The following SYNE1 variants were observed in gnomAD, a reference collection of about 807,000 sequenced individuals.
The protein encoded by SYNE1 is spectrin repeat containing nuclear envelope protein 1.
SYNE1 carries 616 observed loss-of-function variants against 1,111.0 expected under a neutral mutation model. The observed-to-expected ratio is 0.55, with a 90% CI of 0.52 to 0.59. The LOEUF is 0.59. Among genes scored for constraint, SYNE1 ranks in the 20% least tolerant of loss-of-function variants. The probability of loss-of-function intolerance (pLI) is 0.00; values close to 1 mark genes in which losing one functional copy is unlikely to be tolerated. For synonymous variants in SYNE1, 3,855 were observed against 3,825.8 expected (o/e 1.01, Z -0.28); for missense variants, 10,006 against 10,417.0 (o/e 0.96, Z 1.72).
intron 14 of SYNE1, among the ~76,000 whole-genome samples, chr6:152,475,557 C>T (rs1324266408): frequency 6.6e-6 from 1 of 152,182 alleles, no homozygotes; most frequent in Non-Finnish European, 1.5e-5. Context: ...TGGAAACCAT[C>T]TATAATTAAT....
rs755402408 is a variant in SYNE1, at chr6:152,180,216, C to T, written c.23380G>A (p.Glu7794Lys). The T allele has an allele frequency of 8.1e-6, 13 of 1,614,136 alleles. No individual in the cohort carries two copies. The highest frequency in any genetic ancestry group is 1.1e-5 in the Non-Finnish European group (13 of 1,179,998). ...TTGCTTTCCATTTGAGTCAACCACT[C>T]ACAGAGTTCCTTGTTCTTTTCACTG... ...VFSEKNKELC[E>K]WLTQMESKVS... The change falls in exon 129 of 146, where the codon GAG (glutamate) becomes AAG (lysine). Residue 7794 changes from glutamate (E) to lysine (K), a missense_variant. This residue lies in a region of SYNE1 where 2,182 missense variants were observed against 2,287.8 expected (regional missense o/e 0.95). Coordinates refer to ENST00000367255, the MANE Select transcript of SYNE1 (RefSeq NM_182961.4).
At chr6:152,382,769 C>T (rs2097445185) in intron 55 of SYNE1, among the ~76,000 whole-genome samples, 1 of 152,096 alleles carries the variant, frequency 6.6e-6, no homozygotes, top group South Asian at 2.1e-4. Context: ...CCAAAATACT[C>T]TCTTATGCTT....
chr6:152,586,421 T>C (rs2099539146), intron 3 of SYNE1, among the ~76,000 whole-genome samples: 1 of 152,206 alleles, frequency 6.6e-6, no homozygotes, highest in Admixed American at 6.5e-5. Context: ...TTTGATATCT[T>C]CCACCTTCTT....
intron 30 of SYNE1, among the ~76,000 whole-genome samples, chr6:152,442,922 T>G (rs1214810021): frequency 2.0e-5 from 3 of 152,156 alleles, no homozygotes; most frequent in African/African-American, 7.2e-5. Context: ...CTCCAGCCTG[T>G]GTGGCAGAGT....
intron 130 of SYNE1, among the ~76,000 whole-genome samples, chr6:152,171,334 C>G (rs776373929): frequency 1.4e-4 from 22 of 152,334 alleles, no homozygotes; most frequent in Non-Finnish European, 2.8e-4. Flanking sequence ...CATTTGTGTG[C>G]GTACGTTTTC....
Position 152,425,305 on chromosome 6 carries a change from T to C in SYNE1, c.5267+76A>G, listed in dbSNP as rs2098335123. The C allele has an allele frequency of 3.3e-6, 5 of 1,501,966 alleles. No individual in the cohort carries two copies. In the Admixed American group the frequency reaches 5.3e-5, roughly 16 times the overall value. 93.0% of individuals were successfully genotyped at this position (1,501,966 alleles called of 1,614,324 possible). On this transcript the variant is annotated intron_variant, in intron 39 of 145. Transcript: ENST00000367255. ...TGAGTTAAATAAAAGTAAACAAAAC[T>C]ATGCTTTCTTAATTTATATGCTCAT...
At chr6:152,201,231 T>TG (rs1195947990) in intron 127 of SYNE1, among the ~76,000 whole-genome samples, 1 of 142,430 alleles carries the variant, frequency 7.0e-6, no homozygotes, top group Non-Finnish European at 1.6e-5. Context: ...TGAATTGTGT[T>TG]GGTCTCGGTG....
intron 115 of SYNE1, among the ~76,000 whole-genome samples, chr6:152,227,706 T>A (rs1588246417): frequency 6.6e-6 from 1 of 152,194 alleles, no homozygotes; most frequent in African/African-American, 2.4e-5. Flanking sequence ...GAGTTTATCC[T>A]CATTTTTCTA....
intron 32 of SYNE1, 105 bp downstream of exon 32, chr6:152,441,025 G>A: frequency 3.6e-6 from 5 of 1,373,818 alleles, no homozygotes; most frequent in Non-Finnish European, 5.1e-6. Context: ...AGTAAGTATT[G>A]ATTAAATTAA....
At chr6:152,194,630 A>G (rs895962989) in intron 127 of SYNE1, among the ~76,000 whole-genome samples, 2 of 152,154 alleles carry the variant, frequency 1.3e-5, no homozygotes, top group African/African-American at 4.8e-5. Flanking sequence ...TTGAAGGCCA[A>G]TAAGTCTTAG....
Position 152,451,047 on chromosome 6 carries a change from C to T in SYNE1, c.3186G>A (p.Arg1062=). The change falls in exon 26 of 146, where the codon AGG becomes AGA. Residue 1062 remains arginine (R), a splice_region_variant and synonymous_variant. Coordinates refer to ENST00000367255, the MANE Select transcript of SYNE1 (RefSeq NM_182961.4). ...CCACATTGTGGTGTGGGAGACGTAC[C>T]CTGTGCTCTTTAATTATCTTTTCAC... ...EGSEKIIKEH[R]VFFSDKGPHH... is the part of the protein sequence containing the mutation. The T allele has an allele frequency of 6.2e-7, 1 of 1,614,060 alleles. No individual in the cohort carries two copies. The highest frequency in any genetic ancestry group is 1.1e-5 in the South Asian group (1 of 91,078).
rs1563463633 is a variant in SYNE1 at position 152,371,930 on chromosome 6, C to CAGGAAAGGAAAGGAA, written c.9507+1106_9507+1107insTTCCTTTCCTTTCCT. On this transcript the variant is annotated intron_variant, in intron 59 of 145. Coordinates refer to ENST00000367255, the MANE Select transcript of SYNE1 (RefSeq NM_182961.4). ...AAGGAAAGGAAAGGAAAGGACAGGA[C>CAGGAAAGGAAAGGAA]AGGACAGGAAAGGAAAGGAAAGGAA... Among the ~76,000 whole-genome samples the CAGGAAAGGAAAGGAA allele has an allele frequency of 1.9e-4, 7 of 37,020 alleles. 1 individual carries two copies. The highest frequency in any genetic ancestry group is 5.4e-4 in the African/African-American group (7 of 12,972). The allele number at this position is 37,020 out of a possible 152,430, so 24.3% of individuals were successfully genotyped here.
At chr6:152,311,719 T>C (rs1475007153) in intron 87 of SYNE1, among the ~76,000 whole-genome samples, 2 of 152,032 alleles carry the variant, frequency 1.3e-5, no homozygotes, top group East Asian at 1.9e-4. Context: ...TAGTGGGGTG[T>C]GTAATGTGTA....
chr6:152,202,695 C>G (rs951585637), intron 126 of SYNE1, among the ~76,000 whole-genome samples: 1 of 152,080 alleles, frequency 6.6e-6, no homozygotes, highest in Admixed American at 6.6e-5. Context: ...GGACTATAAT[C>G]TCAGTACCTT....
At chr6:152,430,031 A>G (rs998597180) in intron 36 of SYNE1, 81 bp downstream of exon 36, 1 of 954,454 alleles carries the variant, frequency 1.0e-6, no homozygotes, top group Non-Finnish European at 1.6e-6. Context: ...TCTCTTAAAA[A>G]GTTTACTGTA....
Position 152,139,930 on chromosome 6 carries a change from G to T in SYNE1, c.25458+20C>A. The T allele has an allele frequency of 6.2e-7, 1 of 1,612,530 alleles. No individual in the cohort carries two copies. Among genetic ancestry groups the T allele is most frequent in the Non-Finnish European group, 8.5e-7 (1 of 1,179,896 alleles). ...GTGGCTCTCTGTTTGTCCGCCGTGGGAAAGGCAAGGGGCAGCTACCTTGAG... is the reference window on the plus strand; with the variant it reads ...GTGGCTCTCTGTTTGTCCGCCGTGGTAAAGGCAAGGGGCAGCTACCTTGAG... On this transcript the variant is annotated intron_variant, in intron 140 of 145. Coordinates refer to ENST00000367255, the MANE Select transcript of SYNE1 (RefSeq NM_182961.4).
intron 104 of SYNE1, among the ~76,000 whole-genome samples, chr6:152,254,418 T>A (rs2090335259): frequency 1.3e-5 from 2 of 151,824 alleles, no homozygotes; most frequent in African/African-American, 2.4e-5. Flanking sequence ...ACCCTGCTAA[T>A]TTTTGTATTT....
intron 3 of SYNE1, among the ~76,000 whole-genome samples, chr6:152,607,046 G>A (rs1225567072): frequency 8.3e-6 from 1 of 120,454 alleles, no homozygotes; most frequent in Non-Finnish European, 1.7e-5. Flanking sequence ...GTGCAGTGGT[G>A]CAATCTCGTC....
At chr6:152,578,214 T>C (rs1421825772) in intron 3 of SYNE1, among the ~76,000 whole-genome samples, 1 of 152,220 alleles carries the variant, frequency 6.6e-6, no homozygotes, top group African/African-American at 2.4e-5. Context: ...GGAAGTTACA[T>C]GGAAATACAC....
Sources: allele counts gnomAD v4.1 joint callset (sites outside exome capture counted in the v4.1 genomes callset), GRCh38; gene constraint gnomAD v4.1.1; regional missense constraint gnomAD v4.1.1; transcripts MANE v1.5; gene names NCBI Gene and HGNC (gene_info 2026-07-23, HGNC 2026-07-21).